VAPB: variants seen among roughly 807,000 people sequenced by gnomAD.
VAPB encodes vesicle-associated membrane protein-associated protein B/C.
A neutral mutation model predicts 25.6 loss-of-function variants in VAPB; 7 were observed. The observed-to-expected ratio is 0.27, with a 90% CI of 0.16 to 0.51. VAPB has a LOEUF of 0.51. Ranked by LOEUF, VAPB falls within the 20% of genes least tolerant of loss-of-function variation. VAPB has a pLI of 0.97. For synonymous variants in VAPB, 112 were observed against 109.2 expected, an observed-to-expected ratio of 1.03 and a Z score of -0.16; for missense variants, 266 against 301.3, an observed-to-expected ratio of 0.88 and a Z score of 0.87.
rs1181982536 is a variant in VAPB, at chr20:58,389,276, C to T, written c.-184C>T. 3 of 705,136 alleles carry T rather than the reference C, an allele frequency of 4.3e-6. No homozygotes were observed. The highest frequency in any genetic ancestry group is 3.0e-5 in the South Asian group (2 of 66,096). The allele number at this position is 705,136 out of a possible 1,614,324, so 43.7% of individuals were successfully genotyped here. A position where few individuals can be genotyped will look rare whatever the true frequency, so the allele number is the denominator to read the frequency against. ...ACCGCGGCCTCGCCCTCGCCCTCCG[C>T]CCCTGCGCCTGCACCGCGTAGACCG... On this transcript the variant is annotated 5_prime_UTR_variant, in exon 1 of 6. Coordinates refer to ENST00000475243, the MANE Select transcript of VAPB (RefSeq NM_004738.5).
chr20:58,394,201 T>G (rs936050540), intron 1 of VAPB, among the ~76,000 whole-genome samples: 40 of 152,220 alleles, frequency 2.6e-4, no homozygotes, highest in African/African-American at 9.4e-4. Context: ...AAATAGAAAC[T>G]TGGACACTCT....
At chr20:58,404,134 T>G (rs948180861) in intron 1 of VAPB, among the ~76,000 whole-genome samples, 4 of 152,212 alleles carry the variant, frequency 2.6e-5, no homozygotes, top group Non-Finnish European at 5.9e-5. Flanking sequence ...TTTATACAGT[T>G]TCCAGAGATA....
chr20:58,447,962 C>T lies in VAPB; in HGVS notation c.*3727C>T, dbSNP rs545314284. ...CTTCTCGGTGTAGAGGCCACTGCTT[C>T]CCCCTGCTGGAGATGGCATTTCATT... On this transcript the variant is annotated 3_prime_UTR_variant, in exon 6 of 6. Coordinates refer to ENST00000475243, the MANE Select transcript of VAPB (RefSeq NM_004738.5). 66 of 453,836 alleles carry T rather than the reference C, an allele frequency of 1.5e-4. No individual in the cohort carries two copies. The highest frequency in any genetic ancestry group is 1.4e-3 in the Admixed American group (61 of 42,530). 28.1% of individuals were successfully genotyped at this position (453,836 alleles called of 1,614,324 possible).
intron 2 of VAPB, among the ~76,000 whole-genome samples, chr20:58,420,357 G>A (rs1988644603): frequency 6.6e-6 from 1 of 152,196 alleles, no homozygotes; most frequent in Admixed American, 6.5e-5. Context: ...AGCGAACTCT[G>A]CCTTTGTTCT....
rs1989285212 is a variant in VAPB, at chr20:58,446,100, C to T, written c.*1865C>T. The T allele has an allele frequency of 6.6e-6, 3 of 453,940 alleles. No homozygotes were observed. Among genetic ancestry groups the T allele is most frequent in the South Asian group, 3.1e-5 (2 of 64,472 alleles). The allele number at this position is 453,940 out of a possible 1,614,324, so 28.1% of individuals were successfully genotyped here. On this transcript the variant is annotated 3_prime_UTR_variant, in exon 6 of 6. Transcript: ENST00000475243. ...AAGTTGACTTTGAATCCCAGGTACT[C>T]ACAGAAATGGTGAACAGACTTAGTT...
In VAPB at chr20:58,400,235, T is replaced by A. The variant is rs191660672; in HGVS notation, c.58+10718T>A. On this transcript the variant is annotated intron_variant, in intron 1 of 5. Coordinates refer to ENST00000475243, the MANE Select transcript of VAPB (RefSeq NM_004738.5). ...AGCTTTGGTTTCCTCCTCTGCGATG[T>A]AAGGAGGCTTGAACTCAGTACCTCT... Among the ~76,000 whole-genome samples the A allele has an allele frequency of 1.2e-3, 187 of 152,256 alleles. 1 individual carries two copies. Among genetic ancestry groups the A allele is most frequent in the Middle Eastern group, 6.8e-3 (2 of 294 alleles).
chr20:58,434,506 G>C (rs375128041), intron 2 of VAPB, 96 bp from the exon 3 acceptor site: 1 of 736,700 alleles, frequency 1.4e-6, no homozygotes, highest in East Asian at 2.6e-5. Context: ...AGAGAATGCC[G>C]GTAAATTGCT....
rs575127246 is a variant in VAPB at position 58,449,886 on chromosome 20, G to A, written c.*5651G>A. ...CAGGTGGAGCTGCTGTCAGAGCTTC[G>A]TTTCACTGATACCCAAAGCCATGTC... On this transcript the variant is annotated 3_prime_UTR_variant, in exon 6 of 6. Coordinates refer to ENST00000475243, the MANE Select transcript of VAPB (RefSeq NM_004738.5). The A allele has an allele frequency of 2.2e-6, 1 of 454,038 alleles. No homozygotes were observed. The highest frequency in any genetic ancestry group is 6.9e-5 in the East Asian group (1 of 14,398). 28.1% of individuals were successfully genotyped at this position (454,038 alleles called of 1,614,324 possible).
rs1001280066 is a variant in VAPB at position 58,389,277 on chromosome 20, C to G, written c.-183C>G. Reference sequence around the variant, plus strand: ...CCGCGGCCTCGCCCTCGCCCTCCGCCCCTGCGCCTGCACCGCGTAGACCGA... The same window carrying G: ...CCGCGGCCTCGCCCTCGCCCTCCGCGCCTGCGCCTGCACCGCGTAGACCGA... On this transcript the variant is annotated 5_prime_UTR_variant, in exon 1 of 6. Coordinates refer to ENST00000475243, the MANE Select transcript of VAPB (RefSeq NM_004738.5). 1 of 708,192 alleles carries G rather than the reference C, an allele frequency of 1.4e-6. No individual in the cohort carries two copies. Among genetic ancestry groups the G allele is most frequent in the Non-Finnish European group, 2.5e-6 (1 of 399,412 alleles). 43.9% of individuals were successfully genotyped at this position (708,192 alleles called of 1,614,324 possible).
chr20:58,401,097 A>G (rs937835963), intron 1 of VAPB, among the ~76,000 whole-genome samples: 4 of 152,254 alleles, frequency 2.6e-5, no homozygotes, highest in African/African-American at 9.6e-5. Flanking sequence ...GCAGTCATCT[A>G]GAGAAATCCA....
chr20:58,399,410 G>T (rs1054626657), intron 1 of VAPB, among the ~76,000 whole-genome samples: 2 of 152,048 alleles, frequency 1.3e-5, no homozygotes, highest in African/African-American at 4.8e-5. Flanking sequence ...TGGGACATTA[G>T]AATGACTGTG....
intron 1 of VAPB, among the ~76,000 whole-genome samples, chr20:58,412,805 TTTTAA>T (rs1410630120): frequency 6.6e-6 from 1 of 152,186 alleles, no homozygotes; most frequent in Non-Finnish European, 1.5e-5. Flanking sequence ...AAGGGAAGCG[TTTTAA>T]TTTTTCTTCC....
At chr20:58,390,430 T>C (rs1200993677) in intron 1 of VAPB, 1 of 152,070 alleles carries the variant, frequency 6.6e-6, no homozygotes, top group Non-Finnish European at 1.5e-5. Flanking sequence ...TAAAAGTTCT[T>C]GTCTGACATG....
chr20:58,448,739 GCTTTTT>G lies in VAPB; in HGVS notation c.*4513_*4518del, dbSNP rs1489381908. Reference sequence around the variant, plus strand: ...GTAGAATTAAGACTGTAGTTCAGATGCTTTTTCTTTTTCTGTTGGAAACTGAACACA... The same window carrying G: ...GTAGAATTAAGACTGTAGTTCAGATGCTTTTTCTGTTGGAAACTGAACACA... On this transcript the variant is annotated 3_prime_UTR_variant, in exon 6 of 6. Transcript: ENST00000475243. 6.6e-6 allele frequency: 3 copies of G among 453,926 alleles called. No homozygotes were observed. The Admixed American group carries it at 7.1e-5, about 11-fold the overall frequency. The allele number at this position is 453,926 out of a possible 1,614,324, so 28.1% of individuals were successfully genotyped here. A position where few individuals can be genotyped will look rare whatever the true frequency, so the allele number is the denominator to read the frequency against.
intron 1 of VAPB, among the ~76,000 whole-genome samples, chr20:58,408,890 A>ACCCCCCCCCCCCCCCCCCCCCCCC (rs60297703): frequency 1.1e-5 from 1 of 91,912 alleles, no homozygotes; most frequent in Non-Finnish European, 2.1e-5. Flanking sequence ...TAGGACAGAC[A>ACCCCCCCCCCCCCCCCCCCCCCCC]CCCCCCCCCC....
intron 1 of VAPB, among the ~76,000 whole-genome samples, chr20:58,408,902 C>A (rs1451240101): frequency 4.8e-5 from 5 of 104,704 alleles, no homozygotes; most frequent in South Asian, 3.9e-4. Context: ...CCCCCCCCCC[C>A]ACCCCGCCCC....
rs1005102864 is a variant in VAPB, at chr20:58,389,267, C to G, written c.-193C>G. 5 of 687,122 alleles carry G rather than the reference C, an allele frequency of 7.3e-6. No individual in the cohort carries two copies. Among genetic ancestry groups the G allele is most frequent in the African/African-American group, 3.7e-5 (2 of 54,298 alleles). The allele number at this position is 687,122 out of a possible 1,614,324, so 42.6% of individuals were successfully genotyped here. On this transcript the variant is annotated 5_prime_UTR_variant, in exon 1 of 6. Transcript: ENST00000475243. ...TCGCCGGGCACCGCGGCCTCGCCCTCGCCCTCCGCCCCTGCGCCTGCACCG... is the reference window on the plus strand; with the variant it reads ...TCGCCGGGCACCGCGGCCTCGCCCTGGCCCTCCGCCCCTGCGCCTGCACCG...
rs1027849632 is a variant in VAPB, at chr20:58,448,688, A to G, written c.*4453A>G. ...TCTTTTGTGTCTGCCTCCGTACCTT[A>G]TTCAGTTATTTTCACACTAAAGTAA... On this transcript the variant is annotated 3_prime_UTR_variant, in exon 6 of 6. Transcript: ENST00000475243. 3 of 453,596 alleles carry G rather than the reference A, an allele frequency of 6.6e-6. No homozygotes were observed. Among genetic ancestry groups the G allele is most frequent in the Non-Finnish European group, 1.3e-5 (3 of 226,574 alleles). 28.1% of individuals were successfully genotyped at this position (453,596 alleles called of 1,614,324 possible).
intron 1 of VAPB, among the ~76,000 whole-genome samples, chr20:58,414,567 C>A (rs60975160): frequency 0.16 from 24,315 of 148,576 alleles, 2,036 homozygotes; most frequent in East Asian, 0.3. Flanking sequence ...CGGGCAGAGG[C>A]GCTCCTCACA....
Sources: gnomAD v4.1 joint callset for allele counts (sites outside exome capture counted in the v4.1 genomes callset) on GRCh38, gnomAD v4.1.1 for gene constraint, MANE v1.5 for transcripts, NCBI Gene and HGNC (gene_info 2026-07-23, HGNC 2026-07-21) for gene names.